The following ANO4 variants were observed in gnomAD, a reference collection of about 807,000 sequenced individuals.
ANO4 encodes anoctamin-4.
ANO4 carries 69 observed loss-of-function variants against 141.9 expected under a neutral mutation model. The ratio of observed to expected loss-of-function variants is 0.49; its 90% CI spans 0.40 to 0.59. The LOEUF is 0.59. Ranked by LOEUF, ANO4 falls within the 20% of genes least tolerant of loss-of-function variation. The pLI is 0.00. For missense variants in ANO4, 894 were observed against 1,162.2 expected (o/e 0.77, Z 3.36); for synonymous variants, 350 against 394.3 (o/e 0.89, Z 1.33).
In ANO4 at chr12:100,762,951, G is replaced by A. The variant is rs757920188; in HGVS notation, c.358+22846G>A. ...AATCATTTATTCCACTGAGTCTTCA[G>A]AACAGCCTTTTGAAGTACTAGATGA... On this transcript the variant is annotated intron_variant, in intron 3 of 29. Coordinates refer to the ANO4 transcript ENST00000644049. 2.0e-5 allele frequency among the ~76,000 whole-genome samples: 3 copies of A among 152,144 alleles called. No homozygotes were observed. In the South Asian group the frequency reaches 6.2e-4, roughly 32 times the overall value.
chr12:101,088,652 C>T (rs2049608884), intron 17 of ANO4, among the ~76,000 whole-genome samples: 1 of 151,988 alleles, frequency 6.6e-6, no homozygotes, highest in African/African-American at 2.4e-5. Context: ...TGGTCGGCTG[C>T]TGAGGTCAAC....
intron 5 of ANO4, among the ~76,000 whole-genome samples, chr12:100,960,841 G>T (rs898253512): frequency 1.2e-4 from 18 of 152,170 alleles, no homozygotes; most frequent in Non-Finnish European, 2.9e-5. Context: ...TGATGATAAA[G>T]TTGTCCCCAA....
intron 3 of ANO4, among the ~76,000 whole-genome samples, chr12:100,748,167 G>A (rs1012600462): frequency 7.2e-5 from 11 of 152,098 alleles, no homozygotes; most frequent in Admixed American, 2.0e-4. Flanking sequence ...AATTTGCCTG[G>A]GGTATAGAAT....
At chr12:100,870,653 T>G (rs2135925159) in intron 1 of ANO4, among the ~76,000 whole-genome samples, 1 of 152,234 alleles carries the variant, frequency 6.6e-6, no homozygotes, top group East Asian at 1.9e-4. Flanking sequence ...TTAATTGGGG[T>G]TTGAAAACTC....
intron 2 of ANO4, among the ~76,000 whole-genome samples, chr12:100,902,203 A>G (rs1453542561): frequency 6.6e-6 from 1 of 152,190 alleles, no homozygotes; most frequent in Non-Finnish European, 1.5e-5. Context: ...AAAAAAATTC[A>G]AGCCAAAAAA....
At chr12:101,126,598 T>A (rs2051325405) in intron 26 of ANO4, among the ~76,000 whole-genome samples, 1 of 152,184 alleles carries the variant, frequency 6.6e-6, no homozygotes. Flanking sequence ...AACCTGGGTT[T>A]TCTGACTCCA....
chr12:100,928,069 A>C (rs2041944413), intron 3 of ANO4, among the ~76,000 whole-genome samples: 1 of 151,158 alleles, frequency 6.6e-6, no homozygotes, highest in Non-Finnish European at 1.5e-5. Context: ...ACACCGAGTG[A>C]GTCACTTTGA....
chr12:100,821,945 C>T (rs1283700783), intron 1 of ANO4, among the ~76,000 whole-genome samples: 1 of 151,888 alleles, frequency 6.6e-6, no homozygotes, highest in Non-Finnish European at 1.5e-5. Context: ...CCCAAAGACA[C>T]TATATGAAAG....
intron 1 of ANO4, among the ~76,000 whole-genome samples, chr12:100,899,490 C>A (rs553860724): frequency 6.6e-6 from 1 of 152,158 alleles, no homozygotes. Context: ...GACTGTCTGG[C>A]GGTGCAACTG....
chr12:101,102,426 T>C (rs2050227583), intron 22 of ANO4, among the ~76,000 whole-genome samples: 1 of 152,200 alleles, frequency 6.6e-6, no homozygotes, highest in African/African-American at 2.4e-5. Flanking sequence ...TGCAGCAGTA[T>C]CTCATCATGA....
intron 16 of ANO4, among the ~76,000 whole-genome samples, chr12:101,084,286 T>C (rs2049398429): frequency 6.6e-6 from 1 of 152,198 alleles, no homozygotes; most frequent in Non-Finnish European, 1.5e-5. Flanking sequence ...GCATAAGCTC[T>C]GATTTTGTTT....
chr12:101,031,469 A>G (rs1011516785), intron 9 of ANO4, among the ~76,000 whole-genome samples: 4 of 152,232 alleles, frequency 2.6e-5, no homozygotes, highest in African/African-American at 9.6e-5. Flanking sequence ...ACCCACAGCC[A>G]ATATTATATT....
intron 2 of ANO4, among the ~76,000 whole-genome samples, chr12:100,737,954 A>AG (rs766012670): frequency 4.6e-5 from 7 of 152,246 alleles, no homozygotes; most frequent in African/African-American, 1.7e-4. Context: ...TGCCCAAAGC[A>AG]GGGGGGTCAA....
intron 1 of ANO4, among the ~76,000 whole-genome samples, chr12:100,724,635 A>C (rs2031024856): frequency 6.6e-6 from 1 of 152,182 alleles, no homozygotes; most frequent in South Asian, 2.1e-4. Context: ...ATATCCTCTG[A>C]TTGATTTTTC....
intron 4 of ANO4, among the ~76,000 whole-genome samples, chr12:100,941,483 T>G (rs571387281): frequency 6.6e-6 from 1 of 152,194 alleles, no homozygotes; most frequent in Non-Finnish European, 1.5e-5. Flanking sequence ...GTCTTTAAGA[T>G]TCATTTTTAT....
chr12:100,988,889 G>GAAAAAAAAAA (rs57790317), intron 8 of ANO4, among the ~76,000 whole-genome samples: 2 of 78,732 alleles, frequency 2.5e-5, no homozygotes, highest in African/African-American at 4.4e-5. Context: ...AAAAAAAAAA[G>GAAAAAAAAAA]AAAGAAAAAC....
At chr12:100,752,657 G>C (rs17400364) in intron 3 of ANO4, among the ~76,000 whole-genome samples, 28,832 of 151,886 alleles carry the variant, frequency 0.19, 3,176 homozygotes, top group Non-Finnish European at 0.25. Flanking sequence ...TTCTCTTTGA[G>C]ACTGATTATT....
intron 1 of ANO4, among the ~76,000 whole-genome samples, chr12:100,832,684 G>T (rs558366939): frequency 6.6e-6 from 1 of 152,198 alleles, no homozygotes; most frequent in East Asian, 1.9e-4. Flanking sequence ...GTTCAGACCT[G>T]CTGCTTAATG....
intron 2 of ANO4, 86 bp downstream of exon 2, chr12:100,901,926 C>T: frequency 7.8e-7 from 1 of 1,282,668 alleles, no homozygotes; most frequent in Non-Finnish European, 1.1e-6. Flanking sequence ...GTAAATATGC[C>T]ATACTTTCAG....
Sources: gnomAD v4.1 joint callset for allele counts (sites outside exome capture counted in the v4.1 genomes callset) on GRCh38, gnomAD v4.1.1 for gene constraint, MANE v1.5 for transcripts, NCBI Gene and HGNC (gene_info 2026-07-23, HGNC 2026-07-21) for gene names.